The following OTUD3 variants were observed in gnomAD, a reference collection of about 807,000 sequenced individuals.
OTUD3 encodes the protein OTU deubiquitinase 3, also known as OTU domain-containing protein 3.
OTUD3 carries 24 observed loss-of-function variants against 46.2 expected under a neutral mutation model. The ratio of observed to expected loss-of-function variants is 0.52; its 90% CI spans 0.38 to 0.73. The LOEUF (loss-of-function observed/expected upper bound fraction) is 0.73. Ranked by LOEUF, OTUD3 falls within the 30% of genes least tolerant of loss-of-function variation. The probability of loss-of-function intolerance (pLI) is 0.00; values close to 1 mark genes in which losing one functional copy is unlikely to be tolerated. For synonymous variants in OTUD3, 189 were observed against 195.4 expected, an observed-to-expected ratio of 0.97 and a Z score of 0.27; for missense variants, 455 against 523.3, an observed-to-expected ratio of 0.87 and a Z score of 1.27.
intron 4 of OTUD3, among the ~76,000 whole-genome samples, chr1:19,900,923 T>G (rs7550021): frequency 0.04 from 5,862 of 147,378 alleles, 279 homozygotes; most frequent in African/African-American, 0.12. Flanking sequence ...TTTGTTTTTT[T>G]TTTTTTTTTT....
chr1:19,883,356 G>A (rs1246896058), intron 1 of OTUD3, among the ~76,000 whole-genome samples: 1 of 152,152 alleles, frequency 6.6e-6, no homozygotes, highest in Admixed American at 6.5e-5. Context: ...TTTAGGGAAC[G>A]CGGAGGGGGA....
intron 3 of OTUD3, among the ~76,000 whole-genome samples, chr1:19,895,146 T>C (rs2045502552): frequency 6.6e-6 from 1 of 152,184 alleles, no homozygotes; most frequent in Non-Finnish European, 1.5e-5. Context: ...CACACATGTA[T>C]CCATATCCAC....
intron 2 of OTUD3, among the ~76,000 whole-genome samples, chr1:19,891,837 G>C (rs760021842): frequency 6.6e-6 from 1 of 152,202 alleles, no homozygotes; most frequent in Non-Finnish European, 1.5e-5. Flanking sequence ...ACTGAGTTCA[G>C]ATGGTCCCTC....
intron 1 of OTUD3, among the ~76,000 whole-genome samples, chr1:19,887,569 AGT>A (rs1482738270): frequency 6.6e-6 from 1 of 152,158 alleles, no homozygotes; most frequent in Non-Finnish European, 1.5e-5. Context: ...CAGAATCCTG[AGT>A]CTATATAGTC....
Position 19,907,557 on chromosome 1 carries a change from C to T in OTUD3, c.1021-13C>T, listed in dbSNP as rs746379743. On this transcript the variant is annotated splice_polypyrimidine_tract_variant and intron_variant, in intron 7 of 7. Transcript: ENST00000375120. ...CCGTGCTTCCTACTCACCACCATGG[C>T]CTTCTCTCTCAGGTCACAAACAAAC... 2.5e-6 allele frequency: 4 copies of T among 1,613,562 alleles called. No homozygotes were observed. The South Asian group carries it at 4.4e-5, about 18-fold the overall frequency.
chr1:19,907,467 C>T, intron 7 of OTUD3, 103 bp from the exon 8 acceptor site: 1 of 1,081,482 alleles, frequency 9.2e-7, no homozygotes. Context: ...TTCCCTGTTC[C>T]TGCTGAAAAG....
intron 6 of OTUD3, among the ~76,000 whole-genome samples, chr1:19,906,169 A>T (rs1278514561): frequency 6.6e-6 from 1 of 152,240 alleles, no homozygotes; most frequent in Non-Finnish European, 1.5e-5. Flanking sequence ...TCATGTTAAG[A>T]CATAATTTAT....
At chr1:19,905,116 C>T (rs374651579) in intron 6 of OTUD3, 129 bp downstream of exon 6, 15 of 604,338 alleles carry the variant, frequency 2.5e-5, no homozygotes, top group African/African-American at 3.7e-5. Flanking sequence ...TTATTGAGCA[C>T]GTTCTGTACG....
chr1:19,905,116 C>A (rs374651579), intron 6 of OTUD3, 129 bp downstream of exon 6: 60 of 604,456 alleles, frequency 9.9e-5, no homozygotes, highest in Admixed American at 6.5e-4. Flanking sequence ...TTATTGAGCA[C>A]GTTCTGTACG....
chr1:19,893,429 G>A (rs2045476091), intron 2 of OTUD3, among the ~76,000 whole-genome samples: 1 of 152,152 alleles, frequency 6.6e-6, no homozygotes, highest in South Asian at 2.1e-4. Context: ...CGAAGCTTCT[G>A]TTGTCCTCAG....
At chr1:19,896,479 GCTCT>G (rs1048314805) in intron 3 of OTUD3, among the ~76,000 whole-genome samples, 4 of 152,080 alleles carry the variant, frequency 2.6e-5, no homozygotes, top group African/African-American at 7.2e-5. Context: ...GACAAATGGT[GCTCT>G]CTATTTTGTA....
intron 1 of OTUD3, 96 bp from the exon 2 acceptor site, chr1:19,890,289 A>C (rs1282475698): frequency 7.8e-7 from 1 of 1,287,506 alleles, no homozygotes; most frequent in Non-Finnish European, 1.1e-6. Flanking sequence ...TGTGTGCACA[A>C]AATATTTCCA....
At chr1:19,884,119 C>G (rs1472718927) in intron 1 of OTUD3, among the ~76,000 whole-genome samples, 1 of 152,126 alleles carries the variant, frequency 6.6e-6, no homozygotes, top group Non-Finnish European at 1.5e-5. Flanking sequence ...AGCATAAGCC[C>G]AAGACACCCT....
Position 19,909,990 on chromosome 1 carries a change from T to G in OTUD3, c.*2244T>G, listed in dbSNP as rs2045714212. On this transcript the variant is annotated 3_prime_UTR_variant, in exon 8 of 8. Transcript: ENST00000375120. Reference sequence around the variant, plus strand: ...TGTTAATTATTAGGAATCGGGTACATGCATCCAACTTCAGTGATACCTTCT... The same window carrying G: ...TGTTAATTATTAGGAATCGGGTACAGGCATCCAACTTCAGTGATACCTTCT... The G allele has an allele frequency of 6.6e-6, 1 of 152,378 alleles. No individual in the cohort carries two copies. The highest frequency in any genetic ancestry group is 1.9e-4 in the East Asian group (1 of 5,344). 9.4% of individuals were successfully genotyped at this position (152,378 alleles called of 1,614,324 possible).
At chr1:19,888,795 G>A (rs902849886) in intron 1 of OTUD3, among the ~76,000 whole-genome samples, 1 of 152,158 alleles carries the variant, frequency 6.6e-6, no homozygotes, top group African/African-American at 2.4e-5. Context: ...GGTTGTTTCT[G>A]TGTGTTTTCT....
At chr1:19,905,013 A>C (rs760339087) in intron 6 of OTUD3, 26 bp downstream of exon 6, 1 of 1,142,182 alleles carries the variant, frequency 8.8e-7, no homozygotes, top group East Asian at 2.3e-5. Flanking sequence ...ATATTTATAG[A>C]TCTTCAAAAT....
intron 3 of OTUD3, among the ~76,000 whole-genome samples, chr1:19,894,997 CA>C (rs2045498774): frequency 6.6e-6 from 1 of 152,144 alleles, no homozygotes. Flanking sequence ...AAATTTTATT[CA>C]ATCACCCAGA....
At chr1:19,905,390 AT>A (rs1225615422) in intron 6 of OTUD3, among the ~76,000 whole-genome samples, 1 of 150,346 alleles carries the variant, frequency 6.7e-6, no homozygotes, top group Non-Finnish European at 1.5e-5. Context: ...GCTTGTGATA[AT>A]TTTGATTTTT....
intron 1 of OTUD3, among the ~76,000 whole-genome samples, chr1:19,887,107 TAG>T (rs2045374739): frequency 6.8e-6 from 1 of 148,100 alleles, no homozygotes; most frequent in African/African-American, 2.5e-5. Context: ...TTGGAGACAT[TAG>T]AGTTTGTTGT....
Sources: allele counts gnomAD v4.1 joint callset (sites outside exome capture counted in the v4.1 genomes callset), GRCh38; gene constraint gnomAD v4.1.1; transcripts MANE v1.5; gene names NCBI Gene and HGNC (gene_info 2026-07-23, HGNC 2026-07-21).